TSPAN33: variants seen among roughly 807,000 people sequenced by gnomAD.
TSPAN33 encodes tetraspanin 33, also known as tetraspanin-33.
TSPAN33 carries 27 observed loss-of-function variants against 34.8 expected under a neutral mutation model. The ratio of observed to expected loss-of-function variants is 0.78; its 90% CI spans 0.57 to 1.07. The LOEUF (loss-of-function observed/expected upper bound fraction) is 1.07, where lower values mean the gene tolerates loss of function less well. Ranked by LOEUF, TSPAN33 falls within the 50% of genes least tolerant of loss-of-function variation. The probability of loss-of-function intolerance (pLI) is 0.00; values close to 1 mark genes in which losing one functional copy is unlikely to be tolerated. For synonymous variants in TSPAN33, 119 were observed against 124.2 expected, an observed-to-expected ratio of 0.96 and a Z score of 0.28; for missense variants, 272 against 324.9, an observed-to-expected ratio of 0.84 and a Z score of 1.25.
rs1793073204 is a variant in TSPAN33 at position 129,162,836 on chromosome 7, T to TGC, written c.292_293insGC (p.Ser98CysfsTer30). 1 of 1,613,670 alleles carries TGC rather than the reference T, an allele frequency of 6.2e-7. No individual in the cohort carries two copies. Among genetic ancestry groups the TGC allele is most frequent in the African/African-American group, 1.3e-5 (1 of 74,904 alleles). Reference sequence around the variant, plus strand: ...TCTTCTTCCTGCTGCTCCACAGTTCTCCCTCTGCCTCACCGCTGTGTTCCT... The same window carrying TGC: ...TCTTCTTCCTGCTGCTCCACAGTTCTGCCCCTCTGCCTCACCGCTGTGTTCCT... On this transcript the variant is annotated frameshift_variant, in exon 4 of 8. Transcript: ENST00000486685. LOFTEE classifies it high-confidence loss of function.
At chr7:129,149,285 C>G (rs1295609378) in intron 1 of TSPAN33, among the ~76,000 whole-genome samples, 1 of 152,170 alleles carries the variant, frequency 6.6e-6, no homozygotes, top group African/African-American at 2.4e-5. Flanking sequence ...AGGCTGGGCG[C>G]GGTGGCTCAT....
At position 129,169,140 on chromosome 7, in the gene TSPAN33, A is replaced by G. The variant is rs374453632; in HGVS notation, c.*1266A>G. ...CAGGAGGGGGATGGGGAGGAGGGAC[A>G]TGAGCACTCCGCTGGGGCCGGGACG... On this transcript the variant is annotated 3_prime_UTR_variant, in exon 8 of 8. Coordinates refer to ENST00000486685, the MANE Select transcript of TSPAN33 (RefSeq NM_178562.5). Among the ~76,000 whole-genome samples the G allele has an allele frequency of 7.0e-4, 107 of 152,356 alleles. No individual in the cohort carries two copies. The highest frequency in any genetic ancestry group is 2.5e-3 in the African/African-American group (103 of 41,584).
At chr7:129,152,775 G>A (rs898734805) in intron 1 of TSPAN33, among the ~76,000 whole-genome samples, 2 of 152,022 alleles carry the variant, frequency 1.3e-5, no homozygotes, top group African/African-American at 4.8e-5. Context: ...TCTGCTAAGT[G>A]AACCGAACGC....
In TSPAN33 at chr7:129,168,108, C is replaced by T. The variant is rs1299998190; in HGVS notation, c.*234C>T. The T allele has an allele frequency of 2.6e-6, 2 of 764,232 alleles. No individual in the cohort carries two copies. Among genetic ancestry groups the T allele is most frequent in the Non-Finnish European group, 3.9e-6 (2 of 510,346 alleles). 47.3% of individuals were successfully genotyped at this position (764,232 alleles called of 1,614,324 possible). On this transcript the variant is annotated 3_prime_UTR_variant, in exon 8 of 8. Coordinates refer to ENST00000486685, the MANE Select transcript of TSPAN33 (RefSeq NM_178562.5). ...CCTCAGCATTGTGCCAGAGTGATAC[C>T]CTTAAGTGTTTGGGTTTATGTTTTC...
chr7:129,155,886 A>T (rs928835034), intron 1 of TSPAN33, among the ~76,000 whole-genome samples: 4 of 151,704 alleles, frequency 2.6e-5, no homozygotes, highest in Admixed American at 6.6e-5. Context: ...CACCATACTC[A>T]GATTATTTTT....
intron 1 of TSPAN33, among the ~76,000 whole-genome samples, chr7:129,145,804 C>T (rs1810512800): frequency 6.6e-6 from 1 of 151,672 alleles, no homozygotes; most frequent in African/African-American, 2.4e-5. Flanking sequence ...CACCTGGATT[C>T]CCATCCCACT....
rs1237276023 is a variant in TSPAN33 at position 129,165,354 on chromosome 7, T to C, written c.459+785T>C. Among the ~76,000 whole-genome samples the C allele has an allele frequency of 1.3e-5, 2 of 152,234 alleles. No homozygotes were observed. The highest frequency in any genetic ancestry group is 3.8e-4 in the East Asian group (2 of 5,204). ...TCCTCCAGCAACCACCATTCTACTT[T>C]CTGTCTGTAAATTTGACAACTCTAG... On this transcript the variant is annotated intron_variant, in intron 5 of 7. Coordinates refer to ENST00000486685, the MANE Select transcript of TSPAN33 (RefSeq NM_178562.5). The surrounding 1 kb of genome is among the most constrained non-coding windows in gnomAD (Gnocchi z 4.5).
chr7:129,150,806 C>T (rs904473828), intron 1 of TSPAN33, among the ~76,000 whole-genome samples: 11 of 152,100 alleles, frequency 7.2e-5, no homozygotes, highest in Non-Finnish European at 1.3e-4. Flanking sequence ...CTGAGCGCTC[C>T]TCCAGGGAGG....
chr7:129,164,645 C>A, intron 5 of TSPAN33, 76 bp downstream of exon 5: 2 of 1,343,986 alleles, frequency 1.5e-6, no homozygotes, highest in Non-Finnish European at 2.1e-6. Context: ...ACCCTCTATG[C>A]CTGTGGGGCT....
Position 129,169,204 on chromosome 7 carries a change from G to C in TSPAN33, c.*1330G>C, listed in dbSNP as rs1371504254. On this transcript the variant is annotated 3_prime_UTR_variant, in exon 8 of 8. Transcript: ENST00000486685. ...AAGAAGGCCCTCTCTTCCCCTACCC[G>C]GGCCCTCCAGGACCTTCTCCCTGAG... Among the ~76,000 whole-genome samples, 1 of 152,218 alleles carries C rather than the reference G, an allele frequency of 6.6e-6. No homozygotes were observed. The highest frequency in any genetic ancestry group is 1.5e-5 in the Non-Finnish European group (1 of 68,040).
At chr7:129,150,248 G>C (rs534893326) in intron 1 of TSPAN33, among the ~76,000 whole-genome samples, 7 of 152,316 alleles carry the variant, frequency 4.6e-5, no homozygotes, top group African/African-American at 1.4e-4. Flanking sequence ...ACGCCTGCTG[G>C]TGGCCCCACT....
intron 1 of TSPAN33, among the ~76,000 whole-genome samples, chr7:129,156,264 A>G (rs996396360): frequency 3.3e-5 from 5 of 152,140 alleles, no homozygotes; most frequent in Non-Finnish European, 5.9e-5. Context: ...ACATCACATC[A>G]TATCATATCA....
In TSPAN33 at chr7:129,168,060, C is replaced by A; in HGVS notation, c.*186C>A. The A allele has an allele frequency of 8.6e-7, 1 of 1,165,208 alleles. No individual in the cohort carries two copies. The highest frequency in any genetic ancestry group is 2.8e-5 in the Admixed American group (1 of 35,542). The allele number at this position is 1,165,208 out of a possible 1,614,324, so 72.2% of individuals were successfully genotyped here. On this transcript the variant is annotated 3_prime_UTR_variant, in exon 8 of 8. Coordinates refer to ENST00000486685, the MANE Select transcript of TSPAN33 (RefSeq NM_178562.5). The stretch of plus-strand genomic sequence containing the variant: ...AGGTGGCTCCAGTCTCAGGAGGATG[C>A]GCCTCCTCTCCCCCATCCCAGCCCT...
At position 129,165,328 on chromosome 7, in the gene TSPAN33, C is replaced by G. The variant is rs1793121975; in HGVS notation, c.459+759C>G. Among the ~76,000 whole-genome samples, 1 of 152,238 alleles carries G rather than the reference C, an allele frequency of 6.6e-6. No individual in the cohort carries two copies. The highest frequency in any genetic ancestry group is 1.5e-5 in the Non-Finnish European group (1 of 68,038). ...TTGAACACTAAAGCCCCATTTTCCT[C>G]TCCTCCAGCAACCACCATTCTACTT... On this transcript the variant is annotated intron_variant, in intron 5 of 7. Coordinates refer to ENST00000486685, the MANE Select transcript of TSPAN33 (RefSeq NM_178562.5). This position sits in a 1 kb window ranked among gnomAD's most constrained non-coding sequence, Gnocchi z 4.5.
intron 1 of TSPAN33, among the ~76,000 whole-genome samples, chr7:129,146,819 C>A (rs947931603): frequency 2.0e-5 from 3 of 152,132 alleles, no homozygotes; most frequent in Non-Finnish European, 4.4e-5. Flanking sequence ...GACTTTAGGT[C>A]GTCACTCTGA....
intron 1 of TSPAN33, 56 bp downstream of exon 1, chr7:129,145,138 G>C: frequency 1.7e-6 from 1 of 601,312 alleles, no homozygotes. Flanking sequence ...GGGGTGGAAG[G>C]GTGGCCCGGG....
rs1810493835 is a variant in TSPAN33, at chr7:129,144,861, C to G, written c.-120C>G. 6.5e-6 allele frequency: 1 copy of G among 153,566 alleles called. No individual in the cohort carries two copies. The highest frequency in any genetic ancestry group is 6.6e-5 in the Admixed American group (1 of 15,058). 9.5% of individuals were successfully genotyped at this position (153,566 alleles called of 1,614,324 possible). Reference sequence around the variant, plus strand: ...GGCGCCTCCCGCCGCAGCGCAGGCTCCCCCGCCGGCCGGGCTCCTGCGCGG... The same window carrying G: ...GGCGCCTCCCGCCGCAGCGCAGGCTGCCCCGCCGGCCGGGCTCCTGCGCGG... On this transcript the variant is annotated 5_prime_UTR_variant, in exon 1 of 8. Coordinates refer to ENST00000486685, the MANE Select transcript of TSPAN33 (RefSeq NM_178562.5).
At chr7:129,155,683 CCTT>C (rs1810656471) in intron 1 of TSPAN33, among the ~76,000 whole-genome samples, 2 of 151,126 alleles carry the variant, frequency 1.3e-5, no homozygotes, top group Non-Finnish European at 2.9e-5. Context: ...TATTTAATAT[CCTT>C]CTGTTCCAGA....
At chr7:129,159,776 T>C (rs1793021882) in intron 1 of TSPAN33, among the ~76,000 whole-genome samples, 1 of 152,198 alleles carries the variant, frequency 6.6e-6, no homozygotes, top group Non-Finnish European at 1.5e-5. Flanking sequence ...AGCTGGCACC[T>C]GCAGCTCTGC....
Sources: allele counts gnomAD v4.1 joint callset (sites outside exome capture counted in the v4.1 genomes callset), GRCh38; gene constraint gnomAD v4.1.1; non-coding constraint Gnocchi (gnomAD v3.1); transcripts MANE v1.5; gene names NCBI Gene and HGNC (gene_info 2026-07-23, HGNC 2026-07-21).